Variants in HSPA12A observed in about 807,000 individuals in gnomAD.
HSPA12A encodes heat shock protein family A (Hsp70) member 12A.
HSPA12A carries 28 observed loss-of-function variants against 69.2 expected under a neutral mutation model. That is an observed-to-expected ratio of 0.40 (90% CI 0.30 to 0.55). The LOEUF is 0.55. Ranked by LOEUF, HSPA12A falls within the 20% of genes least tolerant of loss-of-function variation. HSPA12A has a pLI of 0.38. For missense variants in HSPA12A, 686 were observed against 900.7 expected (o/e 0.76, Z 3.05); for synonymous variants, 345 against 370.5 (o/e 0.93, Z 0.79).
chr10:116,779,272 C>T (rs868971124), intron 2 of HSPA12A, among the ~76,000 whole-genome samples: 1 of 152,142 alleles, frequency 6.6e-6, no homozygotes, highest in Non-Finnish European at 1.5e-5. Context: ...GAAGCTGATC[C>T]GGGTGCCCAC....
At chr10:116,707,521 C>T (rs1278235587) in intron 1 of HSPA12A, among the ~76,000 whole-genome samples, 1 of 152,216 alleles carries the variant, frequency 6.6e-6, no homozygotes, top group Non-Finnish European at 1.5e-5. Flanking sequence ...CAGTCGCCAC[C>T]AGGCCTCTCA....
intron 2 of HSPA12A, among the ~76,000 whole-genome samples, chr10:116,822,131 G>A (rs1437509207): frequency 6.6e-6 from 1 of 152,236 alleles, no homozygotes; most frequent in Non-Finnish European, 1.5e-5. Context: ...GACATGGGAT[G>A]TGGATAACTG....
intron 2 of HSPA12A, chr10:116,830,037 C>T (rs1338476530): frequency 6.6e-6 from 1 of 152,232 alleles, no homozygotes; most frequent in Non-Finnish European, 1.5e-5. Context: ...CAAGCTCAGC[C>T]TCCACAGACT....
In HSPA12A at chr10:116,747,764, C is replaced by G. The variant is rs568106379; in HGVS notation, c.92-40479G>C. Among the ~76,000 whole-genome samples the G allele has an allele frequency of 9.9e-5, 15 of 151,948 alleles. No individual in the cohort carries two copies. In the Middle Eastern group the frequency reaches 0.01, roughly 103 times the overall value. On this transcript the variant is annotated intron_variant, in intron 2 of 12. Transcript: ENST00000635765. ...CTGTAATCGCAGCATTTGGGGAGGC[C>G]GAGACGGGTGGATCACTTGAGGTCA...
chr10:116,849,352 C>A (rs765429726), intron 1 of HSPA12A, among the ~76,000 whole-genome samples: 1 of 152,200 alleles, frequency 6.6e-6, no homozygotes, highest in Non-Finnish European at 1.5e-5. Flanking sequence ...AGGAGCCCAA[C>A]CCCCGGACCT....
chr10:116,692,322 G>T, intron 6 of HSPA12A, 29 bp downstream of exon 6: 2 of 1,570,436 alleles, frequency 1.3e-6, no homozygotes, highest in African/African-American at 1.3e-5. Flanking sequence ...TTCTCCTCCG[G>T]CTTCCACCCG....
intron 1 of HSPA12A, among the ~76,000 whole-genome samples, chr10:116,715,318 T>C (rs782739411): frequency 4.1e-4 from 62 of 152,288 alleles, no homozygotes; most frequent in Middle Eastern, 6.8e-3. Context: ...CTCCAGTAAA[T>C]GCAGTGGATG....
In HSPA12A at chr10:116,740,920, G is replaced by A. The variant is rs552333744; in HGVS notation, c.40+1510C>T. Among the ~76,000 whole-genome samples, 283 of 132,314 alleles carry A rather than the reference G, an allele frequency of 2.1e-3. 2 individuals are homozygous for A. The highest frequency in any genetic ancestry group is 7.8e-3 in the African/African-American group (265 of 33,826). 86.8% of individuals were successfully genotyped at this position (132,314 alleles called of 152,430 possible). ...TAGCAATTCAACGCCCCTACTTATC[G>A]TCCTAAAAATTTTTTTATTTTCTGA... On this transcript the variant is annotated intron_variant, in intron 1 of 11. Transcript: ENST00000369209.
At chr10:116,848,693 T>C (rs1845953844) in intron 1 of HSPA12A, among the ~76,000 whole-genome samples, 1 of 152,086 alleles carries the variant, frequency 6.6e-6, no homozygotes, top group African/African-American at 2.4e-5. Context: ...GCACTTCGGA[T>C]TGAAAAGGGC....
At chr10:116,681,013 A>G in intron 9 of HSPA12A, 139 bp downstream of exon 9, 2 of 618,116 alleles carry the variant, frequency 3.2e-6, no homozygotes, top group Non-Finnish European at 5.8e-6. Context: ...TCAAGCAGAC[A>G]TTAGTATCCT....
intron 2 of HSPA12A, among the ~76,000 whole-genome samples, chr10:116,799,487 A>G (rs1844908646): frequency 6.6e-6 from 1 of 152,140 alleles, no homozygotes; most frequent in Non-Finnish European, 1.5e-5. Flanking sequence ...ATATGCATAC[A>G]CAAATGTGCA....
chr10:116,678,260 C>T (rs1849296451), intron 10 of HSPA12A, among the ~76,000 whole-genome samples: 1 of 136,666 alleles, frequency 7.3e-6, no homozygotes, highest in Admixed American at 8.6e-5. Flanking sequence ...TGATGGGATG[C>T]AGTAGGAGGA....
chr10:116,749,569 C>T (rs782640547), intron 2 of HSPA12A, among the ~76,000 whole-genome samples: 3 of 152,216 alleles, frequency 2.0e-5, no homozygotes, highest in Non-Finnish European at 4.4e-5. Flanking sequence ...GTCCCCAGCT[C>T]CTAGCGCAGC....
At chr10:116,731,064 T>C (rs1282149560) in intron 1 of HSPA12A, among the ~76,000 whole-genome samples, 1 of 152,236 alleles carries the variant, frequency 6.6e-6, no homozygotes, top group East Asian at 1.9e-4. Flanking sequence ...TGGGCCCTTG[T>C]GGACTCAGTC....
At chr10:116,741,077 G>A (rs1320913405) in intron 1 of HSPA12A, among the ~76,000 whole-genome samples, 1 of 152,016 alleles carries the variant, frequency 6.6e-6, no homozygotes, top group East Asian at 1.9e-4. Context: ...TACAGGCGGG[G>A]ACTGGGTGTG....
chr10:116,802,441 T>C (rs923631140), intron 2 of HSPA12A, among the ~76,000 whole-genome samples: 1 of 152,234 alleles, frequency 6.6e-6, no homozygotes, highest in Non-Finnish European at 1.5e-5. Context: ...TATGTGATTC[T>C]GTGAGCAGGG....
chr10:116,699,808 A>G (rs1004320111), intron 4 of HSPA12A, among the ~76,000 whole-genome samples: 36 of 152,316 alleles, frequency 2.4e-4, no homozygotes, highest in African/African-American at 8.4e-4. Flanking sequence ...ATTGAATCCC[A>G]TTAGGCAAAA....
intron 2 of HSPA12A, among the ~76,000 whole-genome samples, chr10:116,764,064 G>A (rs1554889539): frequency 6.6e-6 from 1 of 152,060 alleles, no homozygotes; most frequent in Non-Finnish European, 1.5e-5. Context: ...CCAGTGCCAG[G>A]GCTGAGTCTC....
upstream of HSPA12A, among the ~76,000 whole-genome samples, chr10:116,744,828 G>GCAGCAAGGCTGGGGTTCAAGGC (rs1851613773): frequency 1.3e-5 from 2 of 152,236 alleles, no homozygotes; most frequent in Admixed American, 1.3e-4. Context: ...CTGGCCATCA[G>GCAGCAAGGCTGGGGTTCAAGGC]CAGCAAGGCT....
Sources: allele counts gnomAD v4.1 joint callset (sites outside exome capture counted in the v4.1 genomes callset), GRCh38; gene constraint gnomAD v4.1.1; transcripts MANE v1.5; gene names NCBI Gene and HGNC (gene_info 2026-07-23, HGNC 2026-07-21).